The following NPAS3 variants were observed in gnomAD, a reference collection of about 807,000 sequenced individuals.
NPAS3 encodes the protein neuronal PAS domain protein 3.
Under a neutral mutation model 73.1 loss-of-function variants are expected in NPAS3, and 14 were observed. The ratio of observed to expected loss-of-function variants is 0.19; its 90% CI spans 0.13 to 0.30. The LOEUF (loss-of-function observed/expected upper bound fraction) is 0.30, where lower values mean the gene tolerates loss of function less well. Among genes scored for constraint, NPAS3 ranks in the 10% least tolerant of loss-of-function variants. The pLI is 1.00. For synonymous variants in NPAS3, 620 were observed against 541.5 expected (o/e 1.14, Z -2.01); for missense variants, 1,096 against 1,250.0 (o/e 0.88, Z 1.86).
At chr14:32,994,854 A>C (rs2038501240) in intron 1 of NPAS3, among the ~76,000 whole-genome samples, 1 of 151,610 alleles carries the variant, frequency 6.6e-6, no homozygotes, top group Non-Finnish European at 1.5e-5. Flanking sequence ...CTGGTCTCGA[A>C]CTCCTGACCT....
At chr14:32,952,452 A>G (rs1364245331) in intron 1 of NPAS3, among the ~76,000 whole-genome samples, 1 of 152,116 alleles carries the variant, frequency 6.6e-6, no homozygotes. Context: ...GCCTATCAAA[A>G]CAAACATGTT....
At chr14:33,166,796 A>G (rs1298048364) in intron 2 of NPAS3, among the ~76,000 whole-genome samples, 1 of 152,222 alleles carries the variant, frequency 6.6e-6, no homozygotes, top group Non-Finnish European at 1.5e-5. Context: ...AAAAATATAA[A>G]TGAAATCATT....
At chr14:33,507,896 T>C (rs1179934321) in intron 4 of NPAS3, among the ~76,000 whole-genome samples, 1 of 152,014 alleles carries the variant, frequency 6.6e-6, no homozygotes, top group African/African-American at 2.4e-5. Context: ...TTTCCATCTT[T>C]AATGTGGATG....
At chr14:33,675,154 G>C (rs377561945) in intron 5 of NPAS3, among the ~76,000 whole-genome samples, 1 of 152,092 alleles carries the variant, frequency 6.6e-6, no homozygotes, top group Non-Finnish European at 1.5e-5. Context: ...CCGGAGGACC[G>C]GGAAACCCAT....
chr14:33,389,422 C>T (rs2046906019), intron 4 of NPAS3, among the ~76,000 whole-genome samples: 1 of 152,212 alleles, frequency 6.6e-6, no homozygotes, highest in African/African-American at 2.4e-5. Context: ...TCCTAATCAC[C>T]CTCAAAATAT....
At chr14:33,108,548 T>C (rs17100140) in intron 2 of NPAS3, among the ~76,000 whole-genome samples, 6,432 of 152,232 alleles carry the variant, frequency 0.042, 238 homozygotes, top group African/African-American at 0.1. Context: ...ATGAAATAGA[T>C]GCTGTGAGTT....
chr14:33,726,889 G>A (rs368527593), intron 6 of NPAS3, among the ~76,000 whole-genome samples: 159 of 152,256 alleles, frequency 1.0e-3, no homozygotes, highest in African/African-American at 3.1e-3. Context: ...GAAGGTGCAC[G>A]CTCAGTCCAC....
rs2060063340 is a variant in NPAS3 at position 33,685,466 on chromosome 14, TTTAA to T, written c.733+9085_733+9088del. ...TCAAGGGTAGGTTTTTGTTCATTTG[TTTAA>T]TTAGCCTAAAAATTGCCTAACACTG... On this transcript the variant is annotated intron_variant, in intron 6 of 11. Coordinates refer to ENST00000356141, the Ensembl canonical transcript of NPAS3. Among the ~76,000 whole-genome samples, 5 of 152,204 alleles carry T rather than the reference TTTAA, an allele frequency of 3.3e-5. No individual in the cohort carries two copies. In the South Asian group the frequency reaches 1.0e-3, roughly 32 times the overall value.
At chr14:33,740,461 G>A (rs2061628631) in intron 7 of NPAS3, among the ~76,000 whole-genome samples, 1 of 152,164 alleles carries the variant, frequency 6.6e-6, no homozygotes, top group Non-Finnish European at 1.5e-5. Context: ...TGATTTAATT[G>A]AATTGCATGC....
At chr14:33,234,825 C>T (rs1276897243) in intron 3 of NPAS3, among the ~76,000 whole-genome samples, 3 of 152,018 alleles carry the variant, frequency 2.0e-5, no homozygotes, top group Non-Finnish European at 2.9e-5. Context: ...CCTAGATTCC[C>T]ACATTTGGTT....
At chr14:33,738,449 A>G (rs575289250) in intron 7 of NPAS3, among the ~76,000 whole-genome samples, 5 of 152,286 alleles carry the variant, frequency 3.3e-5, no homozygotes, top group Admixed American at 2.6e-4. Flanking sequence ...ACCGTATCCC[A>G]CTGCACTAGT....
Position 33,165,591 on chromosome 14 carries a change from G to A in NPAS3, c.141-49591G>A, listed in dbSNP as rs147499391. ...TCTAATCTGGAGGCCTTATCAGAGCGTTGGCTGATAATTTATTGTTGAAAG... is the reference window on the plus strand; with the variant it reads ...TCTAATCTGGAGGCCTTATCAGAGCATTGGCTGATAATTTATTGTTGAAAG... On this transcript the variant is annotated intron_variant, in intron 2 of 11. Transcript: ENST00000356141. Among the ~76,000 whole-genome samples, 343 of 152,200 alleles carry A rather than the reference G, an allele frequency of 2.3e-3. 1 individual carries two copies. Among genetic ancestry groups the A allele is most frequent in the African/African-American group, 7.6e-3 (316 of 41,526 alleles).
chr14:32,991,043 A>C (rs1021993538), intron 1 of NPAS3, among the ~76,000 whole-genome samples: 1 of 151,788 alleles, frequency 6.6e-6, no homozygotes, highest in Non-Finnish European at 1.5e-5. Flanking sequence ...AGATAGATAC[A>C]GGATAGTTAT....
At chr14:32,953,027 T>C (rs2036542100) in intron 1 of NPAS3, among the ~76,000 whole-genome samples, 1 of 150,180 alleles carries the variant, frequency 6.7e-6, no homozygotes. Context: ...GTTATGTTCA[T>C]ACCATTGCAC....
intron 2 of NPAS3, among the ~76,000 whole-genome samples, chr14:33,128,640 T>C (rs2043521416): frequency 6.6e-6 from 1 of 152,196 alleles, no homozygotes; most frequent in Non-Finnish European, 1.5e-5. Flanking sequence ...CAGTGAGTGG[T>C]AGATGAGTTT....
At chr14:33,288,129 A>C (rs576430493) in intron 3 of NPAS3, among the ~76,000 whole-genome samples, 1 of 152,304 alleles carries the variant, frequency 6.6e-6, no homozygotes, top group Non-Finnish European at 1.5e-5. Flanking sequence ...TGATTTAGAA[A>C]GGTTAGATAT....
intron 4 of NPAS3, among the ~76,000 whole-genome samples, chr14:33,506,737 C>A (rs2052782100): frequency 6.6e-6 from 1 of 151,980 alleles, no homozygotes; most frequent in Non-Finnish European, 1.5e-5. Flanking sequence ...TATTGACTAT[C>A]TTGTTGTGCA....
intron 4 of NPAS3, among the ~76,000 whole-genome samples, chr14:33,523,525 G>T (rs2053654077): frequency 6.6e-6 from 1 of 151,476 alleles, no homozygotes; most frequent in South Asian, 2.1e-4. Flanking sequence ...CACTTTGGGA[G>T]GCTGAGGCAG....
chr14:33,407,153 G>T (rs1055874638), intron 4 of NPAS3, among the ~76,000 whole-genome samples: 1 of 152,086 alleles, frequency 6.6e-6, no homozygotes, highest in African/African-American at 2.4e-5. Context: ...CATTTACATG[G>T]TTTTTCTTCA....
Sources: allele counts gnomAD v4.1 joint callset (sites outside exome capture counted in the v4.1 genomes callset), GRCh38; gene constraint gnomAD v4.1.1; transcripts MANE v1.5; gene names NCBI Gene and HGNC (gene_info 2026-07-23, HGNC 2026-07-21).